The following VOPP1 variants were observed in gnomAD, a reference collection of about 807,000 sequenced individuals.
The protein encoded by VOPP1 is VOPP1 WW domain binding protein, also known as WW domain binding protein VOPP1.
In VOPP1, 8 loss-of-function variants were observed where a neutral mutation model predicts 23.5. The ratio of observed to expected loss-of-function variants is 0.34; its 90% CI spans 0.20 to 0.61. The LOEUF (loss-of-function observed/expected upper bound fraction) is 0.61, where lower values mean the gene tolerates loss of function less well. Among genes scored for constraint, VOPP1 ranks in the 20% least tolerant of loss-of-function variants. VOPP1 has a pLI of 0.78. For synonymous variants in VOPP1, 83 were observed against 97.3 expected (o/e 0.85, Z 0.86); for missense variants, 174 against 238.1 (o/e 0.73, Z 1.77).
chr7:55,553,226 TTATACAGG>T (rs1466232428), intron 1 of VOPP1, among the ~76,000 whole-genome samples: 3 of 152,242 alleles, frequency 2.0e-5, no homozygotes, highest in Admixed American at 6.5e-5. Context: ...AGTTCCTCTG[TTATACAGG>T]CTATTTTTAT....
At chr7:55,473,294 G>A (rs1791978470) in intron 4 of VOPP1, among the ~76,000 whole-genome samples, 1 of 152,214 alleles carries the variant, frequency 6.6e-6, no homozygotes. Flanking sequence ...ACATTAGGGT[G>A]GAGGAAACTG....
At chr7:55,480,061 T>C (rs1792588462) in intron 4 of VOPP1, among the ~76,000 whole-genome samples, 1 of 152,254 alleles carries the variant, frequency 6.6e-6, no homozygotes, top group Non-Finnish European at 1.5e-5. Context: ...ATTGCTTAAT[T>C]CAGTTTCCTA....
At chr7:55,489,988 G>A (rs80218872) in intron 4 of VOPP1, among the ~76,000 whole-genome samples, 95 of 152,182 alleles carry the variant, frequency 6.2e-4, no homozygotes, top group Middle Eastern at 3.4e-3. Context: ...CAGAAGGAGG[G>A]CGTGTGCAGG....
chr7:55,473,180 G>A (rs563041767), intron 4 of VOPP1, 135 bp from the exon 5 acceptor site: 27 of 1,352,206 alleles, frequency 2.0e-5, no homozygotes, highest in Admixed American at 3.8e-5. Flanking sequence ...CAACATGCCC[G>A]GTGAGGGGGC....
chr7:55,445,391 G>A (rs967220985), intron 4 of VOPP1, among the ~76,000 whole-genome samples: 2 of 152,008 alleles, frequency 1.3e-5, no homozygotes, highest in Non-Finnish European at 2.9e-5. Context: ...ATAATAAACT[G>A]CCACATAATC....
rs76285204 is a variant in VOPP1 at position 55,444,308 on chromosome 7, T to C, written n.418-8134A>G. Among the ~76,000 whole-genome samples the C allele has an allele frequency of 1.3e-3, 205 of 152,288 alleles. 1 individual carries two copies. The highest frequency in any genetic ancestry group is 4.7e-3 in the African/African-American group (195 of 41,548). On this transcript the variant is annotated intron_variant and non_coding_transcript_variant, in intron 4 of 4. Transcript: ENST00000462326. ...ACTAGTTACATCTGCAATGACCCTA[T>C]TTCCAAATAAAGTCGCATTCTAAGA...
rs62457904 is a variant in VOPP1, at chr7:55,512,404, C to A, written c.113+8668G>T. Among the ~76,000 whole-genome samples, 1,002 of 151,418 alleles carry A rather than the reference C, an allele frequency of 6.6e-3. 3 individuals carry two copies. The highest frequency in any genetic ancestry group is 0.024 in the Middle Eastern group (7 of 294). On this transcript the variant is annotated intron_variant, in intron 2 of 4. Coordinates refer to ENST00000285279, the MANE Select transcript of VOPP1 (RefSeq NM_030796.5). Reference sequence around the variant, plus strand: ...TCGTGCCACTGCATTCCAGCCTGGGCAAGAGTGAGATTCCGTTTCAAAAAA... The same window carrying A: ...TCGTGCCACTGCATTCCAGCCTGGGAAAGAGTGAGATTCCGTTTCAAAAAA...
At chr7:55,571,007 G>A (rs1435549982) in intron 1 of VOPP1, among the ~76,000 whole-genome samples, 2 of 151,962 alleles carry the variant, frequency 1.3e-5, no homozygotes, top group African/African-American at 4.8e-5. Flanking sequence ...CACACATTAA[G>A]GTACAAGCAC....
intron 1 of VOPP1, among the ~76,000 whole-genome samples, chr7:55,525,000 T>C (rs956400353): frequency 5.9e-5 from 9 of 152,036 alleles, no homozygotes; most frequent in Admixed American, 5.9e-4. Flanking sequence ...CACGCAGATA[T>C]GGCCTCACAA....
At position 55,545,653 on chromosome 7, in the gene VOPP1, G is replaced by A. The variant is rs145256033; in HGVS notation, c.55-24523C>T. On this transcript the variant is annotated intron_variant, in intron 1 of 4. Transcript: ENST00000285279. ...GGGCCACACTGGTTACACATCCACC[G>A]GGACTCAAGAGGGATCCACTGAGCT... Among the ~76,000 whole-genome samples, 17 of 152,226 alleles carry A rather than the reference G, an allele frequency of 1.1e-4. No homozygotes were observed. In the East Asian group the frequency reaches 1.5e-3, roughly 14 times the overall value.
chr7:55,467,136 TG>T (rs1791652273), downstream of VOPP1, among the ~76,000 whole-genome samples: 1 of 152,160 alleles, frequency 6.6e-6, no homozygotes, highest in Admixed American at 6.5e-5. Context: ...AGAGCTCAGG[TG>T]GTAACGCTTG....
chr7:55,487,818 T>A (rs1360326444), intron 4 of VOPP1, among the ~76,000 whole-genome samples: 3 of 152,230 alleles, frequency 2.0e-5, no homozygotes, highest in Non-Finnish European at 4.4e-5. Flanking sequence ...CCTTGCCACA[T>A]TCAATCACAG....
At chr7:55,510,715 G>A (rs140157908) in intron 2 of VOPP1, among the ~76,000 whole-genome samples, 1,676 of 152,024 alleles carry the variant, frequency 0.011, 11 homozygotes, top group Middle Eastern at 0.02. Flanking sequence ...CTCAGACGGC[G>A]TTTGAGACTC....
chr7:55,505,889 A>G (rs1190216399), intron 2 of VOPP1, among the ~76,000 whole-genome samples: 1 of 152,206 alleles, frequency 6.6e-6, no homozygotes, highest in African/African-American at 2.4e-5. Context: ...TAACTGGACT[A>G]TTACTGATCT....
At chr7:55,561,819 G>A in intron 1 of VOPP1, 1 of 631,712 alleles carries the variant, frequency 1.6e-6, no homozygotes, top group Non-Finnish European at 2.9e-6. Context: ...CTTGCCTAGG[G>A]AGTAGCTTGC....
Position 55,515,753 on chromosome 7 carries a change from TGAG to T in VOPP1, c.113+5316_113+5318del, listed in dbSNP as rs371935753. Among the ~76,000 whole-genome samples the T allele has an allele frequency of 4.0e-4, 61 of 152,246 alleles. 2 individuals carry two copies. The South Asian group carries it at 0.012, about 31-fold the overall frequency. ...CAGACAGGAGCTCCCTGTCACCTGA[TGAG>T]GAGGATTCAATGCTCCCTGCAGACA... On this transcript the variant is annotated intron_variant, in intron 2 of 4. Coordinates refer to ENST00000285279, the MANE Select transcript of VOPP1 (RefSeq NM_030796.5).
intron 1 of VOPP1, among the ~76,000 whole-genome samples, chr7:55,570,192 C>A (rs911506902): frequency 3.3e-5 from 5 of 152,098 alleles, no homozygotes; most frequent in African/African-American, 1.2e-4. Flanking sequence ...GAGCACCCCA[C>A]CAGAGATGAA....
At chr7:55,526,947 C>A (rs528217566) in intron 1 of VOPP1, 21 of 152,332 alleles carry the variant, frequency 1.4e-4, no homozygotes, top group African/African-American at 5.1e-4. Context: ...GACACACAGG[C>A]AATGAGATCC....
intron 4 of VOPP1, among the ~76,000 whole-genome samples, chr7:55,481,743 G>A (rs1480246903): frequency 3.3e-5 from 5 of 152,148 alleles, no homozygotes; most frequent in East Asian, 1.9e-4. Flanking sequence ...CTGACTCTCC[G>A]GCCCTGTGCT....
Sources: gnomAD v4.1 joint callset for allele counts (sites outside exome capture counted in the v4.1 genomes callset) on GRCh38, gnomAD v4.1.1 for gene constraint, MANE v1.5 for transcripts, NCBI Gene and HGNC (gene_info 2026-07-23, HGNC 2026-07-21) for gene names.